The following CD163L1 variants were observed in gnomAD, a reference collection of about 807,000 sequenced individuals.
CD163L1 encodes the protein scavenger receptor cysteine-rich type 1 protein M160.
A neutral mutation model predicts 165.4 loss-of-function variants in CD163L1; 124 were observed. The observed-to-expected ratio is 0.75, with a 90% CI of 0.65 to 0.87. The LOEUF (loss-of-function observed/expected upper bound fraction) is 0.87. Among genes scored for constraint, CD163L1 ranks in the 40% least tolerant of loss-of-function variants. CD163L1 has a pLI of 0.00. For synonymous variants in CD163L1, 585 were observed against 662.2 expected (o/e 0.88, Z 1.79); for missense variants, 1,525 against 1,799.9 (o/e 0.85, Z 2.76).
chr12:7,345,944 G>A (rs1442623451), downstream of CD163L1, among the ~76,000 whole-genome samples: 2 of 152,044 alleles, frequency 1.3e-5, no homozygotes, highest in African/African-American at 2.4e-5. Flanking sequence ...GGGAGAACTC[G>A]TTCACTATTA....
chr12:7,388,328 G>A lies in CD163L1; in HGVS notation c.2050+7767C>T, dbSNP rs188017083. Among the ~76,000 whole-genome samples the A allele has an allele frequency of 3.6e-4, 55 of 152,282 alleles. 1 individual carries two copies. The highest frequency in any genetic ancestry group is 1.1e-3 in the African/African-American group (44 of 41,556). ...AAGGGAACAATTAACAGAGTGAAAA[G>A]ACATCCTGTTGAATAGGAGAAAGTA... is the stretch of plus-strand genomic sequence containing the variant. On this transcript the variant is annotated intron_variant, in intron 8 of 19. Coordinates refer to ENST00000313599, the MANE Select transcript of CD163L1 (RefSeq NM_174941.6).
In CD163L1 at chr12:7,368,962, T is replaced by C. The variant is rs1235399031; in HGVS notation, c.4043A>G (p.Gln1348Arg). The change falls in exon 16 of 20, where the codon CAG becomes CGG. Residue 1348 changes from glutamine to arginine, a missense_variant. Transcript: ENST00000313599. The surrounding 1 kb of genome is among the most constrained non-coding windows in gnomAD (Gnocchi z 4.3). ...KEDAGVRCSG[Q>R]SLKSLNASSG... is the part of the protein sequence containing the mutation. ...GGAGGCATTCAGTGATTTCAGCGAC[T>C]GTCCTGAGAGAGAGAGAGAGAGAGA... is the stretch of plus-strand genomic sequence containing the variant. 4 of 1,612,428 alleles carry C rather than the reference T, an allele frequency of 2.5e-6. No homozygotes were observed. The East Asian group carries it at 8.9e-5, about 36-fold the overall frequency.
In CD163L1 at chr12:7,368,529, CTTTT is replaced by C. The variant is rs56678924; in HGVS notation, c.4073-336_4073-333del. Among the ~76,000 whole-genome samples the C allele has an allele frequency of 1.5e-5, 2 of 137,246 alleles. No homozygotes were observed. The highest frequency in any genetic ancestry group is 1.6e-5 in the Non-Finnish European group (1 of 62,958). 90.0% of individuals were successfully genotyped at this position (137,246 alleles called of 152,430 possible). A position where few individuals can be genotyped will look rare whatever the true frequency, so the allele number is the denominator to read the frequency against. ...AGGGCTTGAGCTGAGCTGTTTCTTT[CTTTT>C]TTTTTTTTTTTTGAGATGGAGTCTC... On this transcript the variant is annotated intron_variant, in intron 16 of 19. Transcript: ENST00000313599. This position sits in a 1 kb window ranked among gnomAD's most constrained non-coding sequence, Gnocchi z 4.3.
Position 7,421,556 on chromosome 12 carries a change from CATAT to C in CD163L1, c.766+10856_766+10859del, listed in dbSNP as rs1250723537. On this transcript the variant is annotated intron_variant, in intron 4 of 19. Transcript: ENST00000313599. ...ACATATACGTACACATATACATATA[CATAT>C]ATGTACATATATACATGTACATATA... Among the ~76,000 whole-genome samples the C allele has an allele frequency of 1.5e-3, 198 of 130,368 alleles. 3 individuals carry two copies. Among genetic ancestry groups the C allele is most frequent in the South Asian group, 6.6e-3 (28 of 4,224 alleles). 85.5% of individuals were successfully genotyped at this position (130,368 alleles called of 152,430 possible). A position where few individuals can be genotyped will look rare whatever the true frequency, so the allele number is the denominator to read the frequency against.
chr12:7,439,571 G>C, intron 2 of CD163L1: 2 of 1,580,440 alleles, frequency 1.3e-6, no homozygotes, highest in South Asian at 2.3e-5. Flanking sequence ...TTACTTTGCT[G>C]ACCGCTATCA....
rs146695573 is a variant in CD163L1, at chr12:7,432,460, T to A, written c.722A>T (p.Asn241Ile). ...LWNCRHRGWG[N>I]HDCSHNEDVT... ...ATCCTCATTGTGACTGCAGTCATGA[T>A]TTCCCCATCCACGATGTCTGCAATT... The change falls in exon 4 of 20, where the codon AAT becomes ATT. Residue 241 changes from asparagine (N) to isoleucine (I), a missense_variant. Transcript: ENST00000313599. The surrounding 1 kb of genome is among the most constrained non-coding windows in gnomAD (Gnocchi z 4.2). 2.0e-4 allele frequency: 317 copies of A among 1,614,148 alleles called. 1 individual carries two copies. In the African/African-American group the frequency reaches 3.5e-3, roughly 18 times the overall value.
chr12:7,395,157 C>G (rs1030815261), intron 8 of CD163L1, among the ~76,000 whole-genome samples: 1 of 152,058 alleles, frequency 6.6e-6, no homozygotes, highest in African/African-American at 2.4e-5. Flanking sequence ...ATGTTTATTG[C>G]GGCACTATTC....
rs781736001 is a variant in CD163L1 at position 7,397,776 on chromosome 12, T to C, written c.1729+488A>G. On this transcript the variant is annotated intron_variant, in intron 7 of 19. Transcript: ENST00000313599. The stretch of plus-strand genomic sequence containing the variant: ...ATGTGGAAGTGCACACAAACAACCA[T>C]GATTTTTCCAATTTACACAGACAGA... Among the ~76,000 whole-genome samples the C allele has an allele frequency of 2.8e-4, 43 of 152,250 alleles. 1 individual carries two copies. The highest frequency in any genetic ancestry group is 8.7e-4 in the African/African-American group (36 of 41,550).
rs780923188 is a variant in CD163L1 at position 7,403,813 on chromosome 12, T to C, written c.1130A>G (p.Asn377Ser). 1.5e-5 allele frequency: 25 copies of C among 1,613,616 alleles called. No homozygotes were observed. Among genetic ancestry groups the C allele is most frequent in the East Asian group, 6.7e-5 (3 of 44,896 alleles). Reference protein sequence around the residue: ...LELRLADGSNNCSGRVEVRIH... With the variant: ...LELRLADGSNSCSGRVEVRIH... Reference sequence around the variant, plus strand: ...TCTCACCTCTACTCTCCCTGAACAATTGTTACTTCCATCTGCTAGTCGCAG... The same window carrying C: ...TCTCACCTCTACTCTCCCTGAACAACTGTTACTTCCATCTGCTAGTCGCAG... Residue 377 changes from asparagine (N) to serine (S), a missense_variant, in exon 6 of 20, where the codon AAT becomes AGT. Transcript: ENST00000313599.
At chr12:7,395,951 A>T in intron 8 of CD163L1, 144 bp downstream of exon 8, 1 of 588,226 alleles carries the variant, frequency 1.7e-6, no homozygotes, top group Admixed American at 3.3e-5. Flanking sequence ...AGATATTAAA[A>T]ATGAATGAGA....
intron 18 of CD163L1, among the ~76,000 whole-genome samples, chr12:7,361,157 A>T (rs756932058): frequency 2.0e-5 from 3 of 151,848 alleles, no homozygotes; most frequent in South Asian, 2.1e-4. Flanking sequence ...GTATATATAT[A>T]TTTTCATTCA....
In CD163L1 at chr12:7,432,126, G is replaced by A. The variant is rs774850905; in HGVS notation, c.766+290C>T. 2.6e-5 allele frequency among the ~76,000 whole-genome samples: 4 copies of A among 152,284 alleles called. No homozygotes were observed. The highest frequency in any genetic ancestry group is 2.6e-4 in the Admixed American group (4 of 15,296). On this transcript the variant is annotated intron_variant, in intron 4 of 19. Transcript: ENST00000313599. This position sits in a 1 kb window ranked among gnomAD's most constrained non-coding sequence, Gnocchi z 4.2. The stretch of plus-strand genomic sequence containing the variant: ...AAAGAAGGGAAAAATATGATATTGT[G>A]TCAAGAAGTTATTTGAAAAAGGTTT...
In CD163L1 at chr12:7,433,508, A is replaced by G. The variant is rs1248482451; in HGVS notation, c.311T>C (p.Val104Ala). ...SFAMFRFGQAVTRHGKIWLDD... is the reference protein window; with the variant it reads ...SFAMFRFGQAATRHGKIWLDD... Reference sequence around the variant, plus strand: ...AAGCCAAATTTTTCCATGTCTAGTCACGGCTTGTCCAAAACGAAACATGGC... The same window carrying G: ...AAGCCAAATTTTTCCATGTCTAGTCGCGGCTTGTCCAAAACGAAACATGGC... The change falls in exon 3 of 20, where the codon GTG becomes GCG. Residue 104 changes from valine (V) to alanine (A), a missense_variant. Transcript: ENST00000313599. 1.2e-6 allele frequency: 2 copies of G among 1,614,054 alleles called. No individual in the cohort carries two copies. Among genetic ancestry groups the G allele is most frequent in the Non-Finnish European group, 1.7e-6 (2 of 1,180,038 alleles).
At chr12:7,437,018 T>C (rs1405537208) in intron 2 of CD163L1, among the ~76,000 whole-genome samples, 1 of 150,314 alleles carries the variant, frequency 6.7e-6, no homozygotes, top group African/African-American at 2.4e-5. Context: ...ATATAAAATA[T>C]AATGAAATAA....
intron 4 of CD163L1, among the ~76,000 whole-genome samples, chr12:7,414,326 G>A (rs1948196397): frequency 6.6e-6 from 1 of 152,016 alleles, no homozygotes; most frequent in Non-Finnish European, 1.5e-5. Flanking sequence ...AATGACACCT[G>A]AAAAATTCAA....
chr12:7,439,366 C>G (rs1948783016), intron 2 of CD163L1: 1 of 1,598,624 alleles, frequency 6.3e-7, no homozygotes. Flanking sequence ...TCCTTTAGTT[C>G]TTCTTTGGCT....
At chr12:7,345,054 T>G (rs144580900), downstream of CD163L1, among the ~76,000 whole-genome samples, 85 of 152,294 alleles carry the variant, frequency 5.6e-4, no homozygotes, top group East Asian at 6.0e-3. Context: ...CTATCAGCAC[T>G]TGACTCCCTT....
Position 7,368,868 on chromosome 12 carries a change from C to T in CD163L1, c.4072+65G>A. 1 of 1,559,578 alleles carries T rather than the reference C, an allele frequency of 6.4e-7. No individual in the cohort carries two copies. The highest frequency in any genetic ancestry group is 8.8e-7 in the Non-Finnish European group (1 of 1,131,886). Reference sequence around the variant, plus strand: ...TCTTTGATTATCATAGCAGTTTCTGCCCTCCCTTGACCTTCCATGTAGCCT... The same window carrying T: ...TCTTTGATTATCATAGCAGTTTCTGTCCTCCCTTGACCTTCCATGTAGCCT... On this transcript the variant is annotated intron_variant, in intron 16 of 19. Transcript: ENST00000313599. The surrounding 1 kb of genome is among the most constrained non-coding windows in gnomAD (Gnocchi z 4.3).
chr12:7,332,220 A>C, the CD163L1 span, among the ~76,000 whole-genome samples: 1 of 152,202 alleles, frequency 6.6e-6, no homozygotes, highest in Admixed American at 6.5e-5. Flanking sequence ...AAGCGAGAAG[A>C]GAAGTTTAGA....
Sources: gnomAD v4.1 joint callset for allele counts (sites outside exome capture counted in the v4.1 genomes callset) on GRCh38, gnomAD v4.1.1 for gene constraint, Gnocchi (gnomAD v3.1) non-coding constraint, MANE v1.5 for transcripts, NCBI Gene and HGNC (gene_info 2026-07-23, HGNC 2026-07-21) for gene names.